SMC5: variants seen among roughly 807,000 people sequenced by gnomAD.
SMC5 encodes the protein structural maintenance of chromosomes protein 5.
Under a neutral mutation model 148.3 loss-of-function variants are expected in SMC5, and 88 were observed. The observed-to-expected ratio is 0.59, with a 90% confidence interval of 0.50 to 0.71. The LOEUF (loss-of-function observed/expected upper bound fraction) is 0.71, where lower values mean the gene tolerates loss of function less well. Among genes scored for constraint, SMC5 ranks in the 30% least tolerant of loss-of-function variants. The pLI is 0.00. For synonymous variants in SMC5, 421 were observed against 432.8 expected, an observed-to-expected ratio of 0.97 and a Z score of 0.34; for missense variants, 1,142 against 1,298.9, an observed-to-expected ratio of 0.88 and a Z score of 1.86.
intron 1 of SMC5, among the ~76,000 whole-genome samples, chr9:70,263,516 T>A (rs1293156353): frequency 6.6e-6 from 1 of 152,238 alleles, no homozygotes; most frequent in Non-Finnish European, 1.5e-5. Context: ...AAGGACACTT[T>A]ATGGGTTCAA....
At chr9:70,282,361 TTTAGTATATGTG>T in intron 6 of SMC5, 49 bp from the exon 7 acceptor site, 1 of 1,457,704 alleles carries the variant, frequency 6.9e-7, no homozygotes, top group Non-Finnish European at 9.1e-7. Flanking sequence ...TATCTTGATT[TTTAGTATATGTG>T]TTAGTTTAAG....
chr9:70,288,498 C>A (rs1023641843), intron 8 of SMC5, among the ~76,000 whole-genome samples: 1 of 151,638 alleles, frequency 6.6e-6, no homozygotes, highest in African/African-American at 2.4e-5. Context: ...TTTCTTAATT[C>A]ATTTTTCTGC....
intron 18 of SMC5, 169 bp from the exon 19 acceptor site, chr9:70,346,436 T>C (rs1477051103): frequency 5.7e-6 from 4 of 699,734 alleles, no homozygotes; most frequent in Non-Finnish European, 9.9e-6. Flanking sequence ...TATGTTCTAA[T>C]TTGTCCCCAT....
chr9:70,293,477 T>C (rs552927529), intron 8 of SMC5, among the ~76,000 whole-genome samples: 19 of 152,218 alleles, frequency 1.2e-4, no homozygotes, highest in African/African-American at 4.3e-4. Context: ...TCTTTATGAT[T>C]CTCCTGCCTG....
intron 1 of SMC5, among the ~76,000 whole-genome samples, chr9:70,263,167 T>C (rs1013199699): frequency 2.6e-5 from 4 of 152,190 alleles, no homozygotes; most frequent in African/African-American, 9.7e-5. Context: ...AGAAGTTCCA[T>C]GTCAGGTAAT....
chr9:70,305,398 CACTT>C lies in SMC5; in HGVS notation c.1578+43_1578+46del, dbSNP rs546752734. ...CAACACAACACTTTGATTCACTTGA[CACTT>C]ACTTTCAGCACTTGAAGTTTTAAAT... On this transcript the variant is annotated intron_variant, in intron 11 of 24. Coordinates refer to ENST00000361138, the MANE Select transcript of SMC5 (RefSeq NM_015110.4). The C allele has an allele frequency of 3.8e-4, 455 of 1,191,164 alleles. No homozygotes were observed. The African/African-American group carries it at 6.4e-3, about 17-fold the overall frequency. The allele number at this position is 1,191,164 out of a possible 1,614,324, so 73.8% of individuals were successfully genotyped here.
chr9:70,265,430 G>A (rs1020418348), intron 2 of SMC5, among the ~76,000 whole-genome samples: 17 of 152,154 alleles, frequency 1.1e-4, no homozygotes, highest in African/African-American at 4.1e-4. Context: ...TTGCACTCCA[G>A]CCTGGGCAAC....
Position 70,350,148 on chromosome 9 carries a change from TC to T in SMC5, c.2925del (p.Lys976AsnfsTer11). ...GATAAATATGGAATTCGAATTAGAG[TC>T]AAATTTCGAAGTAGTACTCAACTGC... ...DYDKYGIRIR[V>X]KFRSSTQLHE... On this transcript the variant is annotated frameshift_variant, in exon 23 of 25. Transcript: ENST00000361138. LOFTEE classifies it high-confidence loss of function. 1 of 1,608,268 alleles carries T rather than the reference TC, an allele frequency of 6.2e-7. No individual in the cohort carries two copies. Among genetic ancestry groups the T allele is most frequent in the Non-Finnish European group, 8.5e-7 (1 of 1,177,932 alleles).
At chr9:70,327,823 A>G (rs995546806) in intron 17 of SMC5, among the ~76,000 whole-genome samples, 3 of 152,182 alleles carry the variant, frequency 2.0e-5, no homozygotes, top group Admixed American at 1.3e-4. Context: ...TCACACTGCT[A>G]AAAAGAACTA....
At chr9:70,304,184 G>A (rs2035437672) in intron 10 of SMC5, among the ~76,000 whole-genome samples, 1 of 152,226 alleles carries the variant, frequency 6.6e-6, no homozygotes, top group Non-Finnish European at 1.5e-5. Flanking sequence ...AAACTCCTGG[G>A]CTTAAGCGAT....
At chr9:70,345,072 TTAG>T (rs2036632177) in intron 18 of SMC5, among the ~76,000 whole-genome samples, 1 of 152,126 alleles carries the variant, frequency 6.6e-6, no homozygotes, top group Non-Finnish European at 1.5e-5. Context: ...TACTAGGAAC[TTAG>T]TAGATATCTT....
At chr9:70,317,181 T>C (rs2035824993) in intron 13 of SMC5, among the ~76,000 whole-genome samples, 2 of 152,140 alleles carry the variant, frequency 1.3e-5, no homozygotes, top group South Asian at 4.1e-4. Flanking sequence ...ATCCTTCTGT[T>C]TGAGACAATA....
intron 8 of SMC5, among the ~76,000 whole-genome samples, chr9:70,294,717 C>G (rs2035149694): frequency 6.6e-6 from 1 of 152,142 alleles, no homozygotes; most frequent in South Asian, 2.1e-4. Flanking sequence ...TAACCCTCCT[C>G]AGCTACCTTC....
chr9:70,295,463 C>A (rs1172705663), intron 8 of SMC5, among the ~76,000 whole-genome samples: 3 of 140,000 alleles, frequency 2.1e-5, no homozygotes, highest in Non-Finnish European at 3.1e-5. Flanking sequence ...AGAGCGAGAC[C>A]CTGTCTCAAA....
At chr9:70,345,556 G>C (rs2036645494) in intron 18 of SMC5, among the ~76,000 whole-genome samples, 1 of 152,034 alleles carries the variant, frequency 6.6e-6, no homozygotes, top group Non-Finnish European at 1.5e-5. Context: ...AAGTATTCCA[G>C]ACAGAGAAAA....
chr9:70,309,234 A>G (rs201904170), intron 11 of SMC5, among the ~76,000 whole-genome samples: 5 of 150,482 alleles, frequency 3.3e-5, no homozygotes, highest in East Asian at 3.9e-4. Flanking sequence ...AATTTACCAC[A>G]TTGATCAACT....
At chr9:70,350,067 A>T in intron 22 of SMC5, 47 bp from the exon 23 acceptor site, 2 of 1,373,408 alleles carry the variant, frequency 1.5e-6, no homozygotes, top group Non-Finnish European at 2.0e-6. Flanking sequence ...ATAGAATGAC[A>T]TTACCAGAGG....
chr9:70,330,551 T>TC (rs1450491215), intron 17 of SMC5, among the ~76,000 whole-genome samples: 2 of 147,820 alleles, frequency 1.4e-5, no homozygotes, highest in Non-Finnish European at 3.0e-5. Context: ...TAACTTTCTT[T>TC]TTTTTTTTTT....
intron 17 of SMC5, among the ~76,000 whole-genome samples, chr9:70,334,691 T>G (rs112795234): frequency 2.0e-5 from 3 of 152,122 alleles, no homozygotes; most frequent in African/African-American, 4.8e-5. Context: ...CTTAATTTCC[T>G]TATTGGCCTT....
Sources: allele counts gnomAD v4.1 joint callset (sites outside exome capture counted in the v4.1 genomes callset), GRCh38; gene constraint gnomAD v4.1.1; transcripts MANE v1.5; gene names NCBI Gene and HGNC (gene_info 2026-07-23, HGNC 2026-07-21).